Variants in IL1RAPL2 observed in about 807,000 individuals in gnomAD.
IL1RAPL2 encodes the protein X-linked interleukin-1 receptor accessory protein-like 2.
Under a neutral mutation model 44.1 loss-of-function variants are expected in IL1RAPL2, and 3 were observed. The ratio of observed to expected loss-of-function variants is 0.07; its 90% confidence interval spans 0.03 to 0.18. The LOEUF is 0.18. Ranked by LOEUF, IL1RAPL2 falls within the 10% of genes least tolerant of loss-of-function variation. The probability of loss-of-function intolerance (pLI) is 1.00; values close to 1 mark genes in which losing one functional copy is unlikely to be tolerated. For synonymous variants in IL1RAPL2, 181 were observed against 178.8 expected (o/e 1.01, Z -0.10); for missense variants, 391 against 496.4 (o/e 0.79, Z 2.02).
intron 2 of IL1RAPL2, among the ~76,000 whole-genome samples, chrX:104,685,063 C>T (rs1004887072): frequency 3.6e-5 from 4 of 112,136 alleles, no homozygotes; most frequent in East Asian, 2.8e-4. Context: ...GTAGATTATA[C>T]GTAGAGTTAA....
intron 6 of IL1RAPL2, among the ~76,000 whole-genome samples, chrX:105,698,546 C>G (rs1050951293): frequency 8.1e-5 from 9 of 111,523 alleles, no homozygotes; most frequent in African/African-American, 2.6e-4. Context: ...GCTAGCCACC[C>G]CAGTATCAAA....
chrX:105,367,513 T>C (rs2035304585), intron 5 of IL1RAPL2, among the ~76,000 whole-genome samples: 1 of 111,638 alleles, frequency 9.0e-6, no homozygotes, highest in African/African-American at 3.3e-5. Flanking sequence ...GTGTATCTAC[T>C]AAGAATTTTT....
At chrX:105,438,029 C>T (rs772295345) in intron 5 of IL1RAPL2, among the ~76,000 whole-genome samples, 4 of 111,782 alleles carry the variant, frequency 3.6e-5, no homozygotes, top group Non-Finnish European at 7.5e-5. Flanking sequence ...ACTCATCAAA[C>T]TTAACCATGA....
intron 6 of IL1RAPL2, among the ~76,000 whole-genome samples, chrX:105,708,523 G>C (rs2038183160): frequency 9.0e-6 from 1 of 111,563 alleles, no homozygotes; most frequent in Admixed American, 9.5e-5. Context: ...ATTAGTAAGG[G>C]ATTCAAAGTA....
intron 5 of IL1RAPL2, among the ~76,000 whole-genome samples, chrX:105,457,355 T>G (rs778385113): frequency 9.0e-6 from 1 of 111,036 alleles, no homozygotes; most frequent in East Asian, 2.8e-4. Flanking sequence ...TACCACAAAT[T>G]TTTAACCATC....
chrX:104,807,766 A>T (rs768660966), intron 2 of IL1RAPL2, among the ~76,000 whole-genome samples: 2 of 110,813 alleles, frequency 1.8e-5, no homozygotes, highest in South Asian at 7.6e-4. Context: ...TGTCTTGGAG[A>T]TTTTTTCTAT....
At chrX:105,765,740 AGCATCTGTAAAATAT>A (rs928897309) in intron 10 of IL1RAPL2, among the ~76,000 whole-genome samples, 6 of 112,898 alleles carry the variant, frequency 5.3e-5, no homozygotes, top group Non-Finnish European at 9.4e-5. Context: ...GAAAAGAGAG[AGCATCTGTAAAATAT>A]GCATCTGTAA....
intron 5 of IL1RAPL2, among the ~76,000 whole-genome samples, chrX:105,296,082 C>T (rs1337541131): frequency 5.4e-5 from 6 of 111,493 alleles, no homozygotes; most frequent in African/African-American, 1.6e-4. Flanking sequence ...TAGCAAATCT[C>T]AGTTAAGCAC....
intron 6 of IL1RAPL2, among the ~76,000 whole-genome samples, chrX:105,638,527 G>C (rs1018091706): frequency 1.3e-4 from 14 of 111,182 alleles, no homozygotes; most frequent in African/African-American, 4.6e-4. Context: ...CTTGTACCAG[G>C]GACGGACTCC....
At chrX:105,760,867 G>A (rs2038680980) in intron 10 of IL1RAPL2, among the ~76,000 whole-genome samples, 1 of 111,848 alleles carries the variant, frequency 8.9e-6, no homozygotes, top group Non-Finnish European at 1.9e-5. Context: ...TGTAGGACAA[G>A]TAATATCACA....
At chrX:105,008,654 G>A (rs149858193) in intron 2 of IL1RAPL2, among the ~76,000 whole-genome samples, 6,841 of 110,401 alleles carry the variant, frequency 0.062, 589 homozygotes, top group African/African-American at 0.21. Flanking sequence ...AAACCCTAGA[G>A]GAAAACCTAG....
intron 2 of IL1RAPL2, among the ~76,000 whole-genome samples, chrX:104,783,034 C>A (rs943904000): frequency 1.6e-4 from 18 of 111,720 alleles, no homozygotes; most frequent in Non-Finnish European, 2.8e-4. Context: ...ATTAAAAGTT[C>A]CTCCACAGTT....
At chrX:105,197,311 C>T (rs1037629761) in intron 3 of IL1RAPL2, among the ~76,000 whole-genome samples, 23 of 111,360 alleles carry the variant, frequency 2.1e-4, no homozygotes, top group African/African-American at 7.5e-4. Context: ...CCTTGCTTAT[C>T]TCCTCTCCAT....
intron 2 of IL1RAPL2, among the ~76,000 whole-genome samples, chrX:104,861,398 T>C (rs937317731): frequency 3.6e-5 from 4 of 111,677 alleles, no homozygotes; most frequent in Non-Finnish European, 5.7e-5. Context: ...ACTCCCTTTA[T>C]AGTGGAAGAC....
intron 6 of IL1RAPL2, among the ~76,000 whole-genome samples, chrX:105,672,445 C>T (rs1298463144): frequency 5.3e-5 from 6 of 112,285 alleles, no homozygotes; most frequent in Non-Finnish European, 1.1e-4. Context: ...ATGGTCTCCA[C>T]TGATACCTTG....
At chrX:105,633,305 T>C (rs1464804928) in intron 6 of IL1RAPL2, among the ~76,000 whole-genome samples, 1 of 112,016 alleles carries the variant, frequency 8.9e-6, no homozygotes, top group Admixed American at 9.5e-5. Context: ...TTCCATAAGT[T>C]CTTACTTAAG....
chrX:105,324,514 C>A (rs941532903), intron 5 of IL1RAPL2, among the ~76,000 whole-genome samples: 1 of 109,770 alleles, frequency 9.1e-6, no homozygotes, highest in African/African-American at 3.5e-5. Context: ...TCTCACAAGT[C>A]ACTTTCTGTT....
chrX:105,124,763 A>G (rs1055619070), intron 2 of IL1RAPL2, among the ~76,000 whole-genome samples: 1 of 110,686 alleles, frequency 9.0e-6, no homozygotes, highest in African/African-American at 3.3e-5. Flanking sequence ...GAAGGTGTCT[A>G]TTTCTGTTTT....
chrX:104,749,591 A>C (rs1281060666), intron 2 of IL1RAPL2, among the ~76,000 whole-genome samples: 1 of 111,891 alleles, frequency 8.9e-6, no homozygotes, highest in Non-Finnish European at 1.9e-5. Flanking sequence ...GATGAAGATG[A>C]ACTCATGTAA....
Sources: allele counts gnomAD v4.1 joint callset (sites outside exome capture counted in the v4.1 genomes callset), GRCh38; gene constraint gnomAD v4.1.1; transcripts MANE v1.5; gene names NCBI Gene and HGNC (gene_info 2026-07-23, HGNC 2026-07-21).